AASDH: variants seen among roughly 807,000 people sequenced by gnomAD.
The protein encoded by AASDH is aminoadipate-semialdehyde dehydrogenase, also known as beta-alanine-activating enzyme.
In AASDH, 81 loss-of-function variants were observed where a neutral mutation model predicts 102.3. The ratio of observed to expected loss-of-function variants is 0.79; its 90% CI spans 0.66 to 0.95. The LOEUF (loss-of-function observed/expected upper bound fraction) is 0.95. Ranked by LOEUF, AASDH falls within the 40% of genes least tolerant of loss-of-function variation. The probability of loss-of-function intolerance (pLI) is 0.00; values close to 1 mark genes in which losing one functional copy is unlikely to be tolerated. For missense variants in AASDH, 1,203 were observed against 1,266.2 expected (o/e 0.95, Z 0.76); for synonymous variants, 398 against 454.0 (o/e 0.88, Z 1.57).
chr4:56,345,207 T>C lies in AASDH; in HGVS notation c.2572A>G (p.Ser858Gly). Residue 858 changes from serine (S) to glycine (G), a missense_variant, in exon 12 of 15, where the codon AGC (serine) becomes GGC (glycine). By Grantham distance (56) the Ser-to-Gly change is moderately conservative (BLOSUM62 0). Coordinates refer to ENST00000205214, the MANE Select transcript of AASDH (RefSeq NM_181806.4). The part of the protein sequence containing the change: ...WMFTTEDAVK[S>G]SATMDPTTGL... Reference sequence around the variant, plus strand: ...GTGGTTGGATCCATGGTTGCCGAGCTTTTGACAGCATCTTCAGTAGTAAAC... The same window carrying C: ...GTGGTTGGATCCATGGTTGCCGAGCCTTTGACAGCATCTTCAGTAGTAAAC... The C allele has an allele frequency of 6.2e-7, 1 of 1,614,184 alleles. No individual in the cohort carries two copies. The highest frequency in any genetic ancestry group is 8.5e-7 in the Non-Finnish European group (1 of 1,179,996).
intron 5 of AASDH, among the ~76,000 whole-genome samples, chr4:56,358,494 C>G (rs1359583723): frequency 6.7e-6 from 1 of 149,470 alleles, no homozygotes; most frequent in Admixed American, 6.8e-5. Context: ...TTGTAGGTGC[C>G]CTTCTTCATA....
Position 56,363,326 on chromosome 4 carries a change from C to G in AASDH, c.862-7903G>C, listed in dbSNP as rs578196074. Reference sequence around the variant, plus strand: ...GGCACAGACAAACAAAAGGCAACAGCAACCTCTGCAAACTTAAATGTCCCT... The same window carrying G: ...GGCACAGACAAACAAAAGGCAACAGGAACCTCTGCAAACTTAAATGTCCCT... On this transcript the variant is annotated intron_variant, in intron 5 of 14. Transcript: ENST00000205214. 3.3e-5 allele frequency among the ~76,000 whole-genome samples: 5 copies of G among 152,350 alleles called. No homozygotes were observed. In the South Asian group the frequency reaches 1.0e-3, roughly 32 times the overall value.
intron 3 of AASDH, among the ~76,000 whole-genome samples, chr4:56,380,554 T>C (rs1752837335): frequency 6.6e-6 from 1 of 152,160 alleles, no homozygotes; most frequent in Non-Finnish European, 1.5e-5. Flanking sequence ...TCCCTCCCCA[T>C]TAAAATTCTA....
rs1240410397 is a variant in AASDH at position 56,349,701 on chromosome 4, C to G, written c.2050G>C (p.Gly684Arg). Residue 684 changes from glycine to arginine, a missense_variant, in exon 11 of 15, where the codon GGG becomes CGG. Physicochemically the swap from Gly to Arg is moderately radical, Grantham distance 125. Coordinates refer to ENST00000205214, the MANE Select transcript of AASDH (RefSeq NM_181806.4). Reference protein sequence around the residue: ...EINAFVVLSRGSQILSLNSTR... With the variant: ...EINAFVVLSRRSQILSLNSTR... ...GAATTCAGAGACAAAATTTGACTCC[C>G]TCTGCTCAGTACAACAAAAGCATTA... is the stretch of plus-strand genomic sequence containing the variant. 7 of 1,614,162 alleles carry G rather than the reference C, an allele frequency of 4.3e-6. No individual in the cohort carries two copies. The East Asian group carries it at 1.6e-4, about 36-fold the overall frequency.
At chr4:56,351,757 C>A (rs1255650735) in intron 9 of AASDH, among the ~76,000 whole-genome samples, 2 of 151,736 alleles carry the variant, frequency 1.3e-5, no homozygotes, top group Non-Finnish European at 2.9e-5. Context: ...CACAGCAAGA[C>A]CCTGTCTCTA....
chr4:56,379,342 A>C (rs966111892), intron 3 of AASDH, among the ~76,000 whole-genome samples: 1 of 151,792 alleles, frequency 6.6e-6, no homozygotes, highest in Admixed American at 6.6e-5. Context: ...TATGTTACCC[A>C]ATCTGGTCTC....
intron 5 of AASDH, chr4:56,356,496 G>C (rs1749655900): frequency 7.5e-7 from 1 of 1,338,152 alleles, no homozygotes. Flanking sequence ...TGAGAAGAAA[G>C]CTGCTGGCAA....
intron 3 of AASDH, among the ~76,000 whole-genome samples, chr4:56,379,256 C>T (rs1752704295): frequency 6.6e-6 from 1 of 152,148 alleles, no homozygotes. Flanking sequence ...ACCTCAGCCT[C>T]TTGAGTAGCT....
At chr4:56,357,095 T>C (rs1275285086) in intron 5 of AASDH, among the ~76,000 whole-genome samples, 1 of 152,214 alleles carries the variant, frequency 6.6e-6, no homozygotes, top group Non-Finnish European at 1.5e-5. Context: ...CAATTTAATA[T>C]GTTTTATGTA....
chr4:56,378,388 C>A lies in AASDH; in HGVS notation c.428G>T (p.Arg143Ile). 6.2e-7 allele frequency: 1 copy of A among 1,613,804 alleles called. No homozygotes were observed. The highest frequency in any genetic ancestry group is 8.5e-7 in the Non-Finnish European group (1 of 1,179,808). ...TVEHNDLVLFRLHWKNTEVNL... is the reference protein window; with the variant it reads ...TVEHNDLVLFILHWKNTEVNL... The stretch of plus-strand genomic sequence containing the variant: ...CACCTCAGTATTTTTCCAGTGAAGT[C>A]TGAAGAGCACTAGGTCATTATGTTC... The change falls in exon 4 of 15, where the codon AGA (arginine) becomes ATA (isoleucine). Residue 143 changes from arginine to isoleucine, a missense_variant. Physicochemically the swap from Arg to Ile is moderately conservative, Grantham distance 97. Coordinates refer to ENST00000205214, the MANE Select transcript of AASDH (RefSeq NM_181806.4).
chr4:56,382,405 G>A, intron 3 of AASDH, 72 bp downstream of exon 3: 1 of 1,391,422 alleles, frequency 7.2e-7, no homozygotes, highest in Middle Eastern at 2.5e-4. Flanking sequence ...AATCCAGATG[G>A]GAGAAGGAAG....
At chr4:56,358,370 A>G (rs1371618510) in intron 5 of AASDH, among the ~76,000 whole-genome samples, 1 of 150,962 alleles carries the variant, frequency 6.6e-6, no homozygotes, top group African/African-American at 2.4e-5. Context: ...TGTACTGGCA[A>G]GAACCACCAG....
chr4:56,377,186 A>G (rs1412260225), intron 4 of AASDH, among the ~76,000 whole-genome samples: 1 of 152,308 alleles, frequency 6.6e-6, no homozygotes, highest in East Asian at 1.9e-4. Context: ...TTAAAATTAC[A>G]TAAAACTTAA....
chr4:56,364,349 A>T (rs1750716361), intron 5 of AASDH, among the ~76,000 whole-genome samples: 1 of 152,186 alleles, frequency 6.6e-6, no homozygotes, highest in African/African-American at 2.4e-5. Context: ...CAACATTCAC[A>T]TTCAGGAAAT....
At position 56,378,449 on chromosome 4, in the gene AASDH, GAA is replaced by G. The variant is rs1752604050; in HGVS notation, c.365_366del (p.Phe122SerfsTer2). 1 of 1,595,890 alleles carries G rather than the reference GAA, an allele frequency of 6.3e-7. No homozygotes were observed. Among genetic ancestry groups the G allele is most frequent in the Non-Finnish European group, 8.5e-7 (1 of 1,173,648 alleles). ...EKKQINKFKS[F>X]HETLLNYDTF... ...GTATCATAGTTCAATAATGTTTCAT[GAA>G]AAGATTTAAATTTCTGTGTGAAATG... On this transcript the variant is annotated frameshift_variant, in exon 4 of 15. Transcript: ENST00000205214. LOFTEE classifies it high-confidence loss of function.
intron 5 of AASDH, among the ~76,000 whole-genome samples, chr4:56,363,141 GAGATCAAA>G (rs1355350665): frequency 1.3e-5 from 2 of 152,250 alleles, no homozygotes; most frequent in East Asian, 3.9e-4. Flanking sequence ...ACAGCAGTCT[GAGATCAAA>G]CCGCAAGGCG....
Position 56,378,304 on chromosome 4 carries a change from C to T in AASDH, c.512G>A (p.Ser171Asn), listed in dbSNP as rs760380313. The T allele has an allele frequency of 6.8e-6, 11 of 1,614,020 alleles. No homozygotes were observed. Among genetic ancestry groups the T allele is most frequent in the East Asian group, 6.7e-5 (3 of 44,898 alleles). ...TTTTTCTTCATTGACATGCTCAGAA[C>T]TTATGCTTTTTATTTTTTCTTTTTC... ...KYEKEKIKSISSEHVNEEKAE... is the reference protein window; with the variant it reads ...KYEKEKIKSINSEHVNEEKAE... Residue 171 changes from serine (S) to asparagine (N), a missense_variant, in exon 4 of 15, where the codon AGT (serine) becomes AAT (asparagine). Physicochemically the swap from Ser to Asn is conservative, Grantham distance 46. Coordinates refer to ENST00000205214, the MANE Select transcript of AASDH (RefSeq NM_181806.4).
chr4:56,378,056 T>G (rs1409681710), intron 4 of AASDH, 92 bp downstream of exon 4: 1 of 1,277,456 alleles, frequency 7.8e-7, no homozygotes, highest in African/African-American at 1.5e-5. Context: ...TCCACCCGCC[T>G]CAGCCTCCCA....
chr4:56,348,436 G>T (rs1342831928), intron 11 of AASDH, among the ~76,000 whole-genome samples: 2 of 151,960 alleles, frequency 1.3e-5, no homozygotes, highest in African/African-American at 4.8e-5. Context: ...TGTATTTTTT[G>T]TAGTGACAGA....
Sources: gnomAD v4.1 joint callset for allele counts (sites outside exome capture counted in the v4.1 genomes callset) on GRCh38, gnomAD v4.1.1 for gene constraint, MANE v1.5 for transcripts, NCBI Gene and HGNC (gene_info 2026-07-23, HGNC 2026-07-21) for gene names.